Variants in NUDT9 observed in about 807,000 individuals in gnomAD.
NUDT9 encodes nudix hydrolase 9.
NUDT9 carries 31 observed loss-of-function variants against 41.0 expected under a neutral mutation model. That is an observed-to-expected ratio of 0.76 (90% CI 0.57 to 1.02). The LOEUF (loss-of-function observed/expected upper bound fraction) is 1.02, where lower values mean the gene tolerates loss of function less well. Ranked by LOEUF, NUDT9 falls within the 50% of genes least tolerant of loss-of-function variation. The pLI is 0.00. For synonymous variants in NUDT9, 146 were observed against 147.6 expected, an observed-to-expected ratio of 0.99 and a Z score of 0.08; for missense variants, 380 against 431.4, an observed-to-expected ratio of 0.88 and a Z score of 1.06.
chr4:87,446,463 G>A (rs553854880), intron 4 of NUDT9, among the ~76,000 whole-genome samples: 4 of 152,158 alleles, frequency 2.6e-5, no homozygotes, highest in Admixed American at 2.6e-4. Context: ...TTGATCTCTT[G>A]ACTTCGTGAT....
chr4:87,451,849 T>C (rs1432152402), intron 6 of NUDT9, 114 bp downstream of exon 6: 2 of 837,486 alleles, frequency 2.4e-6, no homozygotes, highest in African/African-American at 3.4e-5. Flanking sequence ...TACTTGTATA[T>C]TTAAAATATA....
chr4:87,447,805 G>A (rs979881443), intron 4 of NUDT9, among the ~76,000 whole-genome samples: 2 of 152,096 alleles, frequency 1.3e-5, no homozygotes, highest in Non-Finnish European at 1.5e-5. Context: ...ATGCCGAGGT[G>A]GGAGGATGGC....
intron 4 of NUDT9, among the ~76,000 whole-genome samples, chr4:87,448,594 C>T (rs1393105685): frequency 6.6e-6 from 1 of 152,030 alleles, no homozygotes; most frequent in African/African-American, 2.4e-5. Flanking sequence ...GACCCTTCTG[C>T]CTCAGTCTCC....
intron 6 of NUDT9, among the ~76,000 whole-genome samples, chr4:87,453,720 G>T (rs1281752754): frequency 1.3e-5 from 2 of 152,024 alleles, no homozygotes; most frequent in Admixed American, 1.3e-4. Context: ...GAGCCACCAC[G>T]CCTGGCCTGA....
At chr4:87,440,971 C>G (rs1722180287) in intron 3 of NUDT9, among the ~76,000 whole-genome samples, 2 of 152,076 alleles carry the variant, frequency 1.3e-5, no homozygotes, top group South Asian at 4.1e-4. Flanking sequence ...ATTTGCAAGT[C>G]TTGCTGAAAT....
intron 4 of NUDT9, among the ~76,000 whole-genome samples, chr4:87,447,803 G>A (rs574177161): frequency 2.3e-4 from 35 of 152,244 alleles, no homozygotes; most frequent in African/African-American, 7.9e-4. Context: ...GGATGCCGAG[G>A]TGGGAGGATG....
At chr4:87,434,737 C>T (rs1196892087) in intron 1 of NUDT9, among the ~76,000 whole-genome samples, 1 of 151,318 alleles carries the variant, frequency 6.6e-6, no homozygotes, top group East Asian at 1.9e-4. Flanking sequence ...TCAAGTGATT[C>T]TCTTGCCTCA....
chr4:87,457,484 G>A (rs79480636), intron 7 of NUDT9, among the ~76,000 whole-genome samples: 1 of 152,068 alleles, frequency 6.6e-6, no homozygotes, highest in Non-Finnish European at 1.5e-5. Flanking sequence ...TGATCTACCC[G>A]CCTCAGCTTT....
In NUDT9 at chr4:87,432,768, GTTTT is replaced by G. The variant is rs80311091; in HGVS notation, c.108-2204_108-2201del. 1.0e-2 allele frequency among the ~76,000 whole-genome samples: 1,452 copies of G among 145,560 alleles called. 16 individuals carry two copies. Among genetic ancestry groups the G allele is most frequent in the African/African-American group, 0.031 (1,216 of 39,780 alleles). On this transcript the variant is annotated intron_variant, in intron 1 of 7. Coordinates refer to ENST00000302174, the MANE Select transcript of NUDT9 (RefSeq NM_024047.5). ...TTTCTGCATCAATCAAGAAGATTGT[GTTTT>G]TTTTTTTTATTTTGTTAATGTGATA...
chr4:87,457,732 C>G (rs529628631), intron 7 of NUDT9, 111 bp from the exon 8 acceptor site: 2 of 932,422 alleles, frequency 2.1e-6, no homozygotes, highest in Admixed American at 6.2e-5. Context: ...TTCACTTGGC[C>G]GGCTAGTACA....
intron 7 of NUDT9, among the ~76,000 whole-genome samples, chr4:87,457,236 ATT>A (rs34596563): frequency 2.6e-3 from 324 of 126,618 alleles, no homozygotes; most frequent in African/African-American, 8.6e-3. Context: ...GATAATTTAA[ATT>A]TTTTTTTTTT....
chr4:87,437,265 A>AAG (rs1553964288), intron 2 of NUDT9, among the ~76,000 whole-genome samples: 3 of 134,644 alleles, frequency 2.2e-5, no homozygotes, highest in Admixed American at 7.6e-5. Context: ...AAAAAAAAAA[A>AAG]AAAGAAAGAA....
intron 1 of NUDT9, among the ~76,000 whole-genome samples, chr4:87,431,515 C>G (rs1322807465): frequency 6.6e-6 from 1 of 152,146 alleles, no homozygotes; most frequent in Non-Finnish European, 1.5e-5. Flanking sequence ...GTATTGACAT[C>G]TTAATATTTT....
intron 1 of NUDT9, among the ~76,000 whole-genome samples, chr4:87,428,135 ATTAG>A (rs1017451587): frequency 4.2e-4 from 64 of 152,280 alleles, no homozygotes; most frequent in African/African-American, 1.5e-3. Flanking sequence ...TAACTTCTTT[ATTAG>A]TTAGGTTTTC....
chr4:87,444,883 C>T (rs959576110), intron 4 of NUDT9, among the ~76,000 whole-genome samples: 4 of 152,066 alleles, frequency 2.6e-5, no homozygotes, highest in African/African-American at 9.7e-5. Context: ...CAACTGTACT[C>T]TTAAGTTGAT....
intron 6 of NUDT9, among the ~76,000 whole-genome samples, chr4:87,454,022 G>A (rs1404635862): frequency 6.6e-6 from 1 of 151,572 alleles, no homozygotes; most frequent in African/African-American, 2.4e-5. Flanking sequence ...ACCATGCATG[G>A]CTAATTTTTT....
chr4:87,445,235 CAG>C (rs1553964983), intron 4 of NUDT9: 6 of 151,970 alleles, frequency 3.9e-5, no homozygotes, highest in African/African-American at 1.2e-4. Flanking sequence ...ACATCTGAAT[CAG>C]GGGTAAGTGG....
At chr4:87,437,830 A>G (rs1722021755) in intron 2 of NUDT9, among the ~76,000 whole-genome samples, 1 of 152,204 alleles carries the variant, frequency 6.6e-6, no homozygotes, top group Non-Finnish European at 1.5e-5. Flanking sequence ...TTACTCTGAT[A>G]AGAATATTAA....
In NUDT9 at chr4:87,444,917, AT is replaced by A. The variant is rs558200639; in HGVS notation, c.530+3004del. Reference sequence around the variant, plus strand: ...ATGTTCTTTGTTATCTCAATAATGCATTAATTAATAATTAATAGTAATGCAT... The same window carrying A: ...ATGTTCTTTGTTATCTCAATAATGCATAATTAATAATTAATAGTAATGCAT... On this transcript the variant is annotated intron_variant, in intron 4 of 7. Transcript: ENST00000302174. 1.8e-4 allele frequency among the ~76,000 whole-genome samples: 28 copies of A among 152,336 alleles called. No individual in the cohort carries two copies. In the South Asian group the frequency reaches 5.8e-3, roughly 32 times the overall value.
Sources: gnomAD v4.1 joint callset for allele counts (sites outside exome capture counted in the v4.1 genomes callset) on GRCh38, gnomAD v4.1.1 for gene constraint, MANE v1.5 for transcripts, NCBI Gene and HGNC (gene_info 2026-07-23, HGNC 2026-07-21) for gene names.